YTHDC2: variants seen among roughly 807,000 people sequenced by gnomAD.
YTHDC2 encodes the protein YTH N6-methyladenosine RNA binding protein C2, also known as 3'-5' RNA helicase YTHDC2.
In YTHDC2, 45 loss-of-function variants were observed where a neutral mutation model predicts 174.9. The observed-to-expected ratio is 0.26, with a 90% confidence interval of 0.20 to 0.33. The LOEUF (loss-of-function observed/expected upper bound fraction) is 0.33. Among genes scored for constraint, YTHDC2 ranks in the 10% least tolerant of loss-of-function variants. The probability of loss-of-function intolerance (pLI) is 1.00; values close to 1 mark genes in which losing one functional copy is unlikely to be tolerated. For missense variants in YTHDC2, 1,650 were observed against 1,723.7 expected, an observed-to-expected ratio of 0.96 and a Z score of 0.76; for synonymous variants, 657 against 574.5, an observed-to-expected ratio of 1.14 and a Z score of -2.05.
In YTHDC2 at chr5:113,579,714, G is replaced by A. The variant is rs137888081; in HGVS notation, c.3354+19G>A. 334 of 1,583,192 alleles carry A rather than the reference G, an allele frequency of 2.1e-4. No homozygotes were observed. In the African/African-American group the frequency reaches 4.2e-3, roughly 20 times the overall value. ...GCCAGAGGTAAGTTGCTTTCAAGTA[G>A]TGTAATAAATTTCTTTCATTCAGTT... On this transcript the variant is annotated intron_variant, in intron 24 of 29. Coordinates refer to ENST00000161863, the MANE Select transcript of YTHDC2 (RefSeq NM_022828.5).
At chr5:113,520,353 C>G (rs963453720) in intron 2 of YTHDC2, among the ~76,000 whole-genome samples, 3 of 152,054 alleles carry the variant, frequency 2.0e-5, no homozygotes, top group Non-Finnish European at 4.4e-5. Context: ...CTACCTAACT[C>G]AGATAAAGAA....
chr5:113,517,981 C>A (rs941742348), intron 2 of YTHDC2, among the ~76,000 whole-genome samples: 1 of 151,738 alleles, frequency 6.6e-6, no homozygotes, highest in Non-Finnish European at 1.5e-5. Context: ...CTCCACCTCC[C>A]GGGTTCACGC....
At chr5:113,548,788 G>T in intron 11 of YTHDC2, 121 bp downstream of exon 11, 1 of 1,189,152 alleles carries the variant, frequency 8.4e-7, no homozygotes, top group South Asian at 2.2e-5. Context: ...GTGAATTTCT[G>T]TTTTAATGGG....
At chr5:113,573,053 T>C (rs952075332) in intron 23 of YTHDC2, among the ~76,000 whole-genome samples, 3 of 152,250 alleles carry the variant, frequency 2.0e-5, no homozygotes, top group Non-Finnish European at 2.9e-5. Context: ...TGTGGTTGCT[T>C]CATAGTGTTA....
chr5:113,556,232 T>C (rs1776600503), intron 17 of YTHDC2, 98 bp downstream of exon 17: 1 of 576,648 alleles, frequency 1.7e-6, no homozygotes, highest in Admixed American at 3.7e-5. Flanking sequence ...TTCAATAAAA[T>C]AGTAGTTTTC....
At position 113,595,245 on chromosome 5, in the gene YTHDC2, A is replaced by G. The variant is rs1005708605; in HGVS notation, c.*1771A>G. 6 of 152,118 alleles carry G rather than the reference A, an allele frequency of 3.9e-5. No homozygotes were observed. Among genetic ancestry groups the G allele is most frequent in the Non-Finnish European group, 8.8e-5 (6 of 67,998 alleles). 9.4% of individuals were successfully genotyped at this position (152,118 alleles called of 1,614,324 possible). A position where few individuals can be genotyped will look rare whatever the true frequency, so the allele number is the denominator to read the frequency against. On this transcript the variant is annotated 3_prime_UTR_variant, in exon 30 of 30. Coordinates refer to ENST00000161863, the MANE Select transcript of YTHDC2 (RefSeq NM_022828.5). ...ATTAAAGTGCTGTTTTTTGGAAGCG[A>G]TAAACTTTAAATATACTTATTAAAA...
intron 2 of YTHDC2, among the ~76,000 whole-genome samples, chr5:113,519,993 C>T (rs1773753000): frequency 6.6e-6 from 1 of 152,146 alleles, no homozygotes; most frequent in Non-Finnish European, 1.5e-5. Flanking sequence ...ATCAACTCAT[C>T]AGCTAGGTTT....
intron 7 of YTHDC2, among the ~76,000 whole-genome samples, chr5:113,536,558 T>C (rs1443709685): frequency 2.0e-5 from 3 of 152,096 alleles, no homozygotes; most frequent in African/African-American, 7.2e-5. Context: ...ACAAAAGTTC[T>C]GTTTACTTCA....
At chr5:113,563,262 C>G (rs1251258745) in intron 18 of YTHDC2, 111 bp from the exon 19 acceptor site, 2 of 881,096 alleles carry the variant, frequency 2.3e-6, no homozygotes, top group Non-Finnish European at 3.2e-6. Context: ...TCATTCTAAT[C>G]AGAGACTCTA....
chr5:113,555,203 CTTAT>C (rs1190285589), intron 16 of YTHDC2, among the ~76,000 whole-genome samples: 2 of 151,842 alleles, frequency 1.3e-5, no homozygotes, highest in African/African-American at 4.8e-5. Flanking sequence ...TTAGGTGTTA[CTTAT>C]TTATTAAGTA....
At chr5:113,551,120 G>C (rs1245102452) in intron 12 of YTHDC2, among the ~76,000 whole-genome samples, 1 of 151,982 alleles carries the variant, frequency 6.6e-6, no homozygotes, top group Non-Finnish European at 1.5e-5. Context: ...TTTGAAATTA[G>C]TTGTGACATT....
intron 26 of YTHDC2, among the ~76,000 whole-genome samples, chr5:113,585,379 C>T (rs1397082051): frequency 2.0e-5 from 3 of 151,854 alleles, no homozygotes; most frequent in African/African-American, 2.4e-5. Flanking sequence ...TGTATTTTGG[C>T]GAATGTGCCT....
At chr5:113,542,100 A>G (rs1404611027) in intron 9 of YTHDC2, among the ~76,000 whole-genome samples, 2 of 152,194 alleles carry the variant, frequency 1.3e-5, no homozygotes, top group Admixed American at 6.5e-5. Context: ...GCATTTAACA[A>G]CATCATATTG....
In YTHDC2 at chr5:113,545,728, A is replaced by ATTTTTTTT. The variant is rs1159754942; in HGVS notation, c.1496-2790_1496-2783dup. ...ATTTTTTGAAAAATAATTGATCTCC[A>ATTTTTTTT]TTTTTTTTTTTTTTTTTTTTTTTTT... On this transcript the variant is annotated intron_variant, in intron 10 of 29. Coordinates refer to ENST00000161863, the MANE Select transcript of YTHDC2 (RefSeq NM_022828.5). Among the ~76,000 whole-genome samples, 4 of 49,480 alleles carry ATTTTTTTT rather than the reference A, an allele frequency of 8.1e-5. No homozygotes were observed. In the African/African-American group the frequency reaches 8.2e-4, roughly 10 times the overall value. 32.5% of individuals were successfully genotyped at this position (49,480 alleles called of 152,430 possible). A position where few individuals can be genotyped will look rare whatever the true frequency, so the allele number is the denominator to read the frequency against.
At chr5:113,517,219 A>G (rs1348831843) in intron 2 of YTHDC2, among the ~76,000 whole-genome samples, 2 of 152,192 alleles carry the variant, frequency 1.3e-5, no homozygotes, top group Non-Finnish European at 2.9e-5. Context: ...TGTCAGTTTA[A>G]TCACGTGATC....
chr5:113,523,530 A>G lies in YTHDC2; in HGVS notation c.279-1451A>G, dbSNP rs79899504. On this transcript the variant is annotated intron_variant, in intron 2 of 29. Coordinates refer to ENST00000161863, the MANE Select transcript of YTHDC2 (RefSeq NM_022828.5). ...TTATAGAGAACATTTATGGAATTCA[A>G]TAATTTGAATTTATCATGGAAATAA... Among the ~76,000 whole-genome samples, 1,111 of 152,268 alleles carry G rather than the reference A, an allele frequency of 7.3e-3. 11 individuals are homozygous for G. The highest frequency in any genetic ancestry group is 0.025 in the African/African-American group (1,031 of 41,580).
chr5:113,526,367 A>G (rs1034964801), intron 3 of YTHDC2, among the ~76,000 whole-genome samples: 8 of 152,182 alleles, frequency 5.3e-5, no homozygotes, highest in African/African-American at 1.7e-4. Context: ...GAAATTTTGT[A>G]ACATGTTCAA....
chr5:113,579,685 T>A lies in YTHDC2; in HGVS notation c.3344T>A (p.Leu1115Gln), dbSNP rs774220146. 1 of 1,606,126 alleles carries A rather than the reference T, an allele frequency of 6.2e-7. No individual in the cohort carries two copies. The highest frequency in any genetic ancestry group is 8.5e-7 in the Non-Finnish European group (1 of 1,176,032). ...LKLDEWLHFT[L>Q]EPEAASLLLQ... The stretch of plus-strand genomic sequence containing the variant: ...CTTGATGAGTGGCTCCATTTCACAC[T>A]GGAGCCAGAGGTAAGTTGCTTTCAA... The change falls in exon 24 of 30, where the codon CTG becomes CAG. Residue 1115 changes from leucine (L) to glutamine (Q), a missense_variant. Leu to Gln is a moderately radical substitution (Grantham distance 113, BLOSUM62 -2). Coordinates refer to ENST00000161863, the MANE Select transcript of YTHDC2 (RefSeq NM_022828.5).
chr5:113,570,889 A>G (rs1357988661), intron 23 of YTHDC2, among the ~76,000 whole-genome samples: 6 of 152,076 alleles, frequency 3.9e-5, no homozygotes, highest in Non-Finnish European at 8.8e-5. Flanking sequence ...CCTGACTTCA[A>G]GTGATCTACC....
Sources: gnomAD v4.1 joint callset for allele counts (sites outside exome capture counted in the v4.1 genomes callset) on GRCh38, gnomAD v4.1.1 for gene constraint, MANE v1.5 for transcripts, NCBI Gene and HGNC (gene_info 2026-07-23, HGNC 2026-07-21) for gene names.